Variants in EXOC2 observed in about 807,000 individuals in gnomAD.
EXOC2 encodes SEC5-like 1.
A neutral mutation model predicts 131.8 loss-of-function variants in EXOC2; 70 were observed. The ratio of observed to expected loss-of-function variants is 0.53; its 90% confidence interval spans 0.44 to 0.65. The LOEUF is 0.65. Ranked by LOEUF, EXOC2 falls within the 30% of genes least tolerant of loss-of-function variation. The pLI is 0.00. For synonymous variants in EXOC2, 411 were observed against 398.4 expected, an observed-to-expected ratio of 1.03 and a Z score of -0.38; for missense variants, 923 against 1,108.6, an observed-to-expected ratio of 0.83 and a Z score of 2.38.
intron 17 of EXOC2, among the ~76,000 whole-genome samples, chr6:560,393 T>C (rs557512829): frequency 6.4e-4 from 97 of 152,356 alleles, no homozygotes; most frequent in African/African-American, 2.2e-3. Context: ...GATAGGTGTA[T>C]AATGTTAGCC....
At chr6:608,564 T>A (rs1476058223) in intron 7 of EXOC2, among the ~76,000 whole-genome samples, 2 of 151,990 alleles carry the variant, frequency 1.3e-5, no homozygotes, top group African/African-American at 4.8e-5. Context: ...GAAAAAAAAA[T>A]TCATGGTTAT....
intron 4 of EXOC2, among the ~76,000 whole-genome samples, chr6:619,803 A>C (rs1195480786): frequency 2.6e-5 from 4 of 152,222 alleles, no homozygotes; most frequent in Non-Finnish European, 5.9e-5. Context: ...ACATCAATAA[A>C]AGAATATAAG....
At chr6:690,660 G>A (rs116618234) in intron 1 of EXOC2, among the ~76,000 whole-genome samples, 6,048 of 152,238 alleles carry the variant, frequency 0.04, 192 homozygotes, top group African/African-American at 0.085. Flanking sequence ...CAGAGATCTC[G>A]CCACTGTACT....
At chr6:581,248 A>T (rs776278548) in intron 11 of EXOC2, among the ~76,000 whole-genome samples, 2 of 151,908 alleles carry the variant, frequency 1.3e-5, no homozygotes, top group South Asian at 4.2e-4. Context: ...GAATGCCAAG[A>T]TCACATCACC....
chr6:616,889 T>G (rs7742797), intron 6 of EXOC2, among the ~76,000 whole-genome samples: 1 of 151,754 alleles, frequency 6.6e-6, no homozygotes, highest in Non-Finnish European at 1.5e-5. Context: ...ACTACAGGTA[T>G]GCACTACGCC....
At position 499,585 on chromosome 6, in the gene EXOC2, C is replaced by CTTTCTTT. The variant is rs1027389829; in HGVS notation, c.2436+53_2436+59dup. 5 of 1,417,736 alleles carry CTTTCTTT rather than the reference C, an allele frequency of 3.5e-6. No homozygotes were observed. The African/African-American group carries it at 7.2e-5, about 20-fold the overall frequency. The allele number at this position is 1,417,736 out of a possible 1,614,324, so 87.8% of individuals were successfully genotyped here. Reference sequence around the variant, plus strand: ...ACCATAGAAATAATCAAATTTACATCTTTCTTTTTTCTTTTTTTTGGTTAT... The same window carrying CTTTCTTT: ...ACCATAGAAATAATCAAATTTACATCTTTCTTTTTTCTTTTTTCTTTTTTTTGGTTAT... On this transcript the variant is annotated intron_variant, in intron 24 of 27. Transcript: ENST00000230449.
intron 23 of EXOC2, among the ~76,000 whole-genome samples, chr6:521,093 TCGCCGTCCACACTC>T (rs1765433489): frequency 2.5e-5 from 2 of 80,720 alleles, no homozygotes; most frequent in African/African-American, 6.1e-5. Flanking sequence ...GCGCCGACAC[TCGCCGTCCACACTC>T]GGACATGAAA....
chr6:604,098 C>T (rs930768859), intron 7 of EXOC2, among the ~76,000 whole-genome samples: 3 of 151,892 alleles, frequency 2.0e-5, no homozygotes, highest in African/African-American at 7.3e-5. Flanking sequence ...ATTCAAGTTG[C>T]CCAGTGTGAC....
rs530178594 is a variant in EXOC2, at chr6:626,439, C to A, written c.422+3396G>T. ...ACTGGCTTTGCCATCTTCAGCTGAA[C>A]CGGACACCACACGCAGGGCCCCTCA... is the stretch of plus-strand genomic sequence containing the variant. On this transcript the variant is annotated intron_variant, in intron 4 of 27. Transcript: ENST00000230449. Among the ~76,000 whole-genome samples, 105 of 152,276 alleles carry A rather than the reference C, an allele frequency of 6.9e-4. 1 individual carries two copies. The highest frequency in any genetic ancestry group is 3.4e-3 in the Middle Eastern group (1 of 294).
chr6:538,436 T>C (rs888169472), intron 22 of EXOC2, among the ~76,000 whole-genome samples: 1 of 152,184 alleles, frequency 6.6e-6, no homozygotes, highest in African/African-American at 2.4e-5. Context: ...GAAGAAAGAT[T>C]AACTTTAAAA....
intron 23 of EXOC2, among the ~76,000 whole-genome samples, chr6:530,450 G>A (rs776826395): frequency 6.6e-6 from 1 of 152,188 alleles, no homozygotes; most frequent in Non-Finnish European, 1.5e-5. Context: ...GCTAGATAAC[G>A]ACAAAACATT....
At chr6:489,189 G>T in intron 26 of EXOC2, 151 bp from the exon 27 acceptor site, 12 of 710,186 alleles carry the variant, frequency 1.7e-5, no homozygotes, top group African/African-American at 3.6e-5. Flanking sequence ...AATAGAAAAA[G>T]TAAAAGTAAA....
intron 1 of EXOC2, among the ~76,000 whole-genome samples, chr6:658,305 T>C (rs1763233975): frequency 6.6e-6 from 1 of 152,166 alleles, no homozygotes; most frequent in South Asian, 2.1e-4. Flanking sequence ...CAATATCGAA[T>C]AGGACAATCT....
intron 10 of EXOC2, among the ~76,000 whole-genome samples, chr6:597,251 A>G (rs1426222959): frequency 6.7e-6 from 1 of 148,728 alleles, no homozygotes; most frequent in Non-Finnish European, 1.5e-5. Context: ...ATCTCGGTTC[A>G]CTGCAACCTC....
At chr6:674,144 G>A (rs1046066427) in intron 1 of EXOC2, among the ~76,000 whole-genome samples, 3 of 152,082 alleles carry the variant, frequency 2.0e-5, no homozygotes, top group Non-Finnish European at 2.9e-5. Flanking sequence ...ATACCAACTT[G>A]ATCATAATTC....
chr6:599,804 C>T (rs1760029307), intron 7 of EXOC2, among the ~76,000 whole-genome samples: 1 of 151,490 alleles, frequency 6.6e-6, no homozygotes, highest in South Asian at 2.1e-4. Context: ...ATGAATATTT[C>T]TTAAATCAGC....
At position 501,099 on chromosome 6, in the gene EXOC2, G is replaced by GATAT. The variant is rs1240556272; in HGVS notation, c.2381-1403_2381-1400dup. ...CTATATATCTATTGGCTCCTCAAAA[G>GATAT]ATATATATATTATATATATCTATAT... On this transcript the variant is annotated intron_variant, in intron 23 of 27. Coordinates refer to ENST00000230449, the MANE Select transcript of EXOC2 (RefSeq NM_018303.6). Among the ~76,000 whole-genome samples the GATAT allele has an allele frequency of 1.7e-4, 12 of 68,724 alleles. 1 individual carries two copies. The South Asian group carries it at 6.1e-3, about 35-fold the overall frequency. The allele number at this position is 68,724 out of a possible 152,430, so 45.1% of individuals were successfully genotyped here.
chr6:621,765 G>A (rs947980970), intron 4 of EXOC2, among the ~76,000 whole-genome samples: 6 of 152,154 alleles, frequency 3.9e-5, no homozygotes, highest in Non-Finnish European at 7.3e-5. Context: ...CCTTTTCACC[G>A]GTCAGCAGTC....
chr6:654,311 G>A (rs1308956170), intron 1 of EXOC2, among the ~76,000 whole-genome samples: 1 of 152,176 alleles, frequency 6.6e-6, no homozygotes, highest in East Asian at 1.9e-4. Context: ...AAAGTGAATG[G>A]AAAACTTTCT....
Sources: allele counts gnomAD v4.1 joint callset (sites outside exome capture counted in the v4.1 genomes callset), GRCh38; gene constraint gnomAD v4.1.1; transcripts MANE v1.5; gene names NCBI Gene and HGNC (gene_info 2026-07-23, HGNC 2026-07-21).